GLYATL1: variants seen among roughly 807,000 people sequenced by gnomAD.
GLYATL1 encodes the protein glycine N-acyltransferase-like protein 1.
A neutral mutation model predicts 20.0 loss-of-function variants in GLYATL1; 15 were observed. That is an observed-to-expected ratio of 0.75 (90% CI 0.50 to 1.15). The LOEUF (loss-of-function observed/expected upper bound fraction) is 1.15, where lower values mean the gene tolerates loss of function less well. Among genes scored for constraint, GLYATL1 ranks in the 50% most tolerant of loss-of-function variants. The pLI is 0.00. For missense variants in GLYATL1, 380 were observed against 368.5 expected, an observed-to-expected ratio of 1.03 and a Z score of -0.26; for synonymous variants, 151 against 131.5, an observed-to-expected ratio of 1.15 and a Z score of -1.01.
At chr11:58,949,720 A>G (rs1465436191) in intron 4 of GLYATL1, among the ~76,000 whole-genome samples, 2 of 152,220 alleles carry the variant, frequency 1.3e-5, no homozygotes, top group East Asian at 1.9e-4. Flanking sequence ...ATACGCTGCA[A>G]TTTACTTGGA....
At chr11:58,913,298 T>G (rs992716174), downstream of GLYATL1, among the ~76,000 whole-genome samples, 2 of 149,108 alleles carry the variant, frequency 1.3e-5, no homozygotes, top group Admixed American at 6.7e-5. Flanking sequence ...GCTGGAGGGG[T>G]AGAGAGGAGC....
chr11:58,941,850 T>C (rs1166607473), intron 1 of GLYATL1, among the ~76,000 whole-genome samples: 1 of 152,206 alleles, frequency 6.6e-6, no homozygotes, highest in African/African-American at 2.4e-5. Context: ...TGGGAGTTGC[T>C]GCAGGAGTTG....
downstream of GLYATL1, among the ~76,000 whole-genome samples, chr11:58,913,296 G>T (rs191263375): frequency 6.6e-6 from 1 of 152,268 alleles, no homozygotes; most frequent in Non-Finnish European, 1.5e-5. Flanking sequence ...GAGCTGGAGG[G>T]GTAGAGAGGA....
chr11:58,920,718 G>A (rs974031979), intron 1 of GLYATL1, among the ~76,000 whole-genome samples: 1 of 152,182 alleles, frequency 6.6e-6, no homozygotes, highest in Non-Finnish European at 1.5e-5. Flanking sequence ...GAAGCCCTTG[G>A]TATCGAGTCA....
At chr11:58,915,894 C>T (rs960599317) in intron 1 of GLYATL1, among the ~76,000 whole-genome samples, 6 of 147,396 alleles carry the variant, frequency 4.1e-5, no homozygotes, top group Admixed American at 2.7e-4. Flanking sequence ...TTGTAACCGT[C>T]CCTCTTTCTC....
At chr11:58,952,384 T>A (rs535898014) in intron 4 of GLYATL1, among the ~76,000 whole-genome samples, 1 of 152,366 alleles carries the variant, frequency 6.6e-6, no homozygotes, top group South Asian at 2.1e-4. Context: ...AATTTTTGTA[T>A]CTGCATGCAT....
intron 1 of GLYATL1, among the ~76,000 whole-genome samples, chr11:58,914,746 G>A (rs1012460513): frequency 2.0e-5 from 3 of 152,204 alleles, no homozygotes. Context: ...TCCAGCCAGT[G>A]AGGATGGCAC....
In GLYATL1 at chr11:58,943,568, T is replaced by TGGAGC; in HGVS notation, c.-140_-136dup. On this transcript the variant is annotated 5_prime_UTR_variant, in exon 2 of 7. An upstream open reading frame in the 5' UTR gains an earlier in-frame stop. Transcript: ENST00000532726. ...ATGGTGTCACAAGAAGGATCTGAAG[T>TGGAGC]GGAGCTTCTAGTATCCCCAGGAGCG... 1 of 1,613,462 alleles carries TGGAGC rather than the reference T, an allele frequency of 6.2e-7. No individual in the cohort carries two copies. Among genetic ancestry groups the TGGAGC allele is most frequent in the Non-Finnish European group, 8.5e-7 (1 of 1,179,624 alleles).
intron 2 of GLYATL1, 29 bp from the exon 3 acceptor site, chr11:58,947,017 C>A (rs576814675): frequency 1.3e-6 from 2 of 1,531,332 alleles, no homozygotes; most frequent in Non-Finnish European, 9.1e-7. Context: ...GTTTCCTTAA[C>A]ATTTTCCCTT....
At chr11:58,915,757 G>C (rs61889761) in intron 1 of GLYATL1, among the ~76,000 whole-genome samples, 22 of 152,276 alleles carry the variant, frequency 1.4e-4, no homozygotes, top group Non-Finnish European at 2.9e-4. Context: ...GAATGTGAGA[G>C]GCCATGAGCA....
intron 1 of GLYATL1, among the ~76,000 whole-genome samples, chr11:58,932,567 A>G (rs1220670277): frequency 6.6e-6 from 1 of 152,230 alleles, no homozygotes. Flanking sequence ...AAAACTTGCC[A>G]CTGCTTTTAG....
At chr11:58,920,467 G>A (rs866790645) in intron 1 of GLYATL1, among the ~76,000 whole-genome samples, 9 of 152,252 alleles carry the variant, frequency 5.9e-5, no homozygotes, top group Middle Eastern at 3.4e-3. Context: ...TGAGTCCAAA[G>A]TCACCACTGC....
intron 1 of GLYATL1, among the ~76,000 whole-genome samples, chr11:58,920,662 T>G (rs1348255005): frequency 6.6e-6 from 1 of 152,136 alleles, no homozygotes; most frequent in Non-Finnish European, 1.5e-5. Context: ...GGTAGCCAGG[T>G]TTAGGGTGTT....
intron 1 of GLYATL1, among the ~76,000 whole-genome samples, chr11:58,914,480 G>C (rs1320918078): frequency 6.6e-6 from 1 of 152,198 alleles, no homozygotes; most frequent in Non-Finnish European, 1.5e-5. Context: ...AGAAGCATAA[G>C]GTAAGCTAAT....
At chr11:58,910,638 A>G (rs1287426405), downstream of GLYATL1, among the ~76,000 whole-genome samples, 1 of 152,182 alleles carries the variant, frequency 6.6e-6, no homozygotes, top group Non-Finnish European at 1.5e-5. Context: ...GTTTGTGGAG[A>G]AAATAGAATG....
At chr11:58,934,312 T>C (rs539795918) in intron 1 of GLYATL1, 1 of 152,536 alleles carries the variant, frequency 6.6e-6, no homozygotes, top group African/African-American at 2.4e-5. Context: ...AGTCGGCCTG[T>C]ACCCTGGGTC....
upstream of GLYATL1, chr11:58,935,161 G>A (rs766477136): frequency 7.2e-5 from 11 of 152,592 alleles, no homozygotes; most frequent in Non-Finnish European, 1.2e-4. Context: ...AAGGCACTGG[G>A]GTAGACCTGG....
Position 58,955,769 on chromosome 11 carries a change from G to T in GLYATL1, c.651G>T (p.Pro217=), listed in dbSNP as rs2298441. Residue 217 remains proline (P), a synonymous_variant, in exon 7 of 7, where the codon CCG becomes CCT. Transcript: ENST00000532726. ...AACMLGPEGV[P]VSWVTMDPSC... is the part of the protein sequence containing the mutation. Reference sequence around the variant, plus strand: ...GTATGCTCGGCCCAGAGGGAGTCCCGGTCTCATGGGTAACCATGGACCCTT... The same window carrying T: ...GTATGCTCGGCCCAGAGGGAGTCCCTGTCTCATGGGTAACCATGGACCCTT... The T allele has an allele frequency of 6.2e-7, 1 of 1,614,108 alleles. No individual in the cohort carries two copies. Among genetic ancestry groups the T allele is most frequent in the Non-Finnish European group, 8.5e-7 (1 of 1,180,018 alleles).
downstream of GLYATL1, among the ~76,000 whole-genome samples, chr11:58,913,294 G>T (rs1345121239): frequency 6.6e-6 from 1 of 152,148 alleles, no homozygotes; most frequent in Admixed American, 6.5e-5. Flanking sequence ...GGGAGCTGGA[G>T]GGGTAGAGAG....
Sources: allele counts gnomAD v4.1 joint callset (sites outside exome capture counted in the v4.1 genomes callset), GRCh38; gene constraint gnomAD v4.1.1; transcripts MANE v1.5; gene names NCBI Gene and HGNC (gene_info 2026-07-23, HGNC 2026-07-21).